LIMCH1: variants seen among roughly 807,000 people sequenced by gnomAD.
The protein encoded by LIMCH1 is LIM and calponin homology domains 1.
LIMCH1 carries 113 observed loss-of-function variants against 176.5 expected under a neutral mutation model. That is an observed-to-expected ratio of 0.64 (90% CI 0.55 to 0.75). LIMCH1 has a LOEUF of 0.75. Ranked by LOEUF, LIMCH1 falls within the 30% of genes least tolerant of loss-of-function variation. The pLI, the probability that LIMCH1 is intolerant of heterozygous loss-of-function variation, is 0.00. For missense variants in LIMCH1, 1,674 were observed against 1,814.9 expected (o/e 0.92, Z 1.41); for synonymous variants, 619 against 645.9 (o/e 0.96, Z 0.63).
At chr4:41,540,080 G>A (rs2078424577) in intron 1 of LIMCH1, among the ~76,000 whole-genome samples, 1 of 152,206 alleles carries the variant, frequency 6.6e-6, no homozygotes, top group African/African-American at 2.4e-5. Flanking sequence ...TCAAATCCTG[G>A]ATTTGCAGCT....
chr4:41,465,007 C>G (rs1004179281), intron 1 of LIMCH1, among the ~76,000 whole-genome samples: 6 of 152,172 alleles, frequency 3.9e-5, no homozygotes, highest in African/African-American at 1.4e-4. Context: ...ATCTCTTTGT[C>G]TTTCCTGCCT....
At chr4:41,370,676 G>A (rs2053825993) in intron 1 of LIMCH1, among the ~76,000 whole-genome samples, 1 of 152,162 alleles carries the variant, frequency 6.6e-6, no homozygotes, top group South Asian at 2.1e-4. Context: ...TTGACAGAGT[G>A]TGATAATAGT....
chr4:41,424,896 C>T (rs1382247473), intron 1 of LIMCH1, among the ~76,000 whole-genome samples: 4 of 152,174 alleles, frequency 2.6e-5, no homozygotes, highest in African/African-American at 9.7e-5. Context: ...TTAGGCTCTG[C>T]AGCAAAGAGA....
In LIMCH1 at chr4:41,661,443, G is replaced by A. The variant is rs61739931; in HGVS notation, c.3060G>A (p.Pro1020=). 25 of 1,612,528 alleles carry A rather than the reference G, an allele frequency of 1.6e-5. No individual in the cohort carries two copies. The highest frequency in any genetic ancestry group is 2.2e-5 in the East Asian group (1 of 44,852). ...AGGCAACCACTGAGAAAACGGAACC[G>A]AATAGTCAAGAGGACAAGAATGATG... ...ELAATTEKTE[P]NSQEDKNDGG... The change falls in exon 19 of 32, where the codon CCG becomes CCA. Residue 1020 remains proline, a synonymous_variant. Coordinates refer to ENST00000503057, the MANE Select transcript of LIMCH1 (RefSeq NM_001330672.2).
At chr4:41,666,325 G>A (rs2094824649) in intron 20 of LIMCH1, among the ~76,000 whole-genome samples, 1 of 152,100 alleles carries the variant, frequency 6.6e-6, no homozygotes, top group South Asian at 2.1e-4. Flanking sequence ...GGAGAAAAGT[G>A]GTCATTACGT....
At chr4:41,657,985 G>A (rs913028838) in intron 18 of LIMCH1, among the ~76,000 whole-genome samples, 2 of 152,154 alleles carry the variant, frequency 1.3e-5, no homozygotes, top group Non-Finnish European at 2.9e-5. Context: ...AGACTCTTAG[G>A]TGATAGATTG....
Position 41,629,433 on chromosome 4 carries a change from G to C in LIMCH1, c.1029-59G>C, listed in dbSNP as rs1031555527. 59 of 1,518,988 alleles carry C rather than the reference G, an allele frequency of 3.9e-5. 2 individuals are homozygous for C. In the Admixed American group the frequency reaches 1.1e-3, roughly 28 times the overall value. 94.1% of individuals were successfully genotyped at this position (1,518,988 alleles called of 1,614,324 possible). ...TCCATGCTTGACATTCTCTTTGTCT[G>C]CTCCCCTTCCTTGAACTTGATTTTT... On this transcript the variant is annotated intron_variant, in intron 8 of 31. Coordinates refer to ENST00000503057, the MANE Select transcript of LIMCH1 (RefSeq NM_001330672.2).
intron 1 of LIMCH1, among the ~76,000 whole-genome samples, chr4:41,417,124 A>G (rs533707953): frequency 1.1e-5 from 1 of 93,808 alleles, no homozygotes; most frequent in Non-Finnish European, 2.1e-5. Flanking sequence ...TGCTATAGGC[A>G]TTGTTTCTTT....
chr4:41,527,869 C>T (rs957025789), intron 3 of LIMCH1, among the ~76,000 whole-genome samples: 8 of 146,800 alleles, frequency 5.4e-5, no homozygotes, highest in Non-Finnish European at 9.0e-5. Context: ...CCCCAAAAGG[C>T]TGGAAAACTG....
chr4:41,390,562 G>C (rs2057117227), intron 1 of LIMCH1, among the ~76,000 whole-genome samples: 1 of 152,150 alleles, frequency 6.6e-6, no homozygotes, highest in South Asian at 2.1e-4. Context: ...AGTTAGATTT[G>C]AATTTCAAAA....
At chr4:41,620,177 C>T in intron 6 of LIMCH1, 1 of 437,018 alleles carries the variant, frequency 2.3e-6, no homozygotes, top group Non-Finnish European at 4.0e-6. Context: ...TGAAATTTAC[C>T]TTTCCAGCAG....
In LIMCH1 at chr4:41,699,233, G is replaced by A. The variant is rs2153108100; in HGVS notation, c.*2048G>A. On this transcript the variant is annotated 3_prime_UTR_variant, in exon 32 of 32. Transcript: ENST00000503057. ...TCCATCCGTTATGTAAGGATTACATGAATATTGCACATTCCCTTCTGGTTT... is the reference window on the plus strand; with the variant it reads ...TCCATCCGTTATGTAAGGATTACATAAATATTGCACATTCCCTTCTGGTTT... 6.6e-6 allele frequency: 1 copy of A among 152,214 alleles called. No homozygotes were observed. The highest frequency in any genetic ancestry group is 2.4e-5 in the African/African-American group (1 of 41,544). The allele number at this position is 152,214 out of a possible 1,614,324, so 9.4% of individuals were successfully genotyped here.
intron 1 of LIMCH1, among the ~76,000 whole-genome samples, chr4:41,414,859 A>G (rs2059791267): frequency 6.6e-6 from 1 of 152,212 alleles, no homozygotes; most frequent in Non-Finnish European, 1.5e-5. Flanking sequence ...ATATCTTGAA[A>G]AGAAAATGTT....
At chr4:41,462,791 T>C (rs1398214133) in intron 1 of LIMCH1, among the ~76,000 whole-genome samples, 1 of 152,210 alleles carries the variant, frequency 6.6e-6, no homozygotes, top group East Asian at 1.9e-4. Context: ...AAAGTCTGTT[T>C]GGCTTTTTTT....
chr4:41,396,290 A>G (rs1472126310), intron 1 of LIMCH1, among the ~76,000 whole-genome samples: 1 of 152,224 alleles, frequency 6.6e-6, no homozygotes, highest in Non-Finnish European at 1.5e-5. Flanking sequence ...TTCAAAAATA[A>G]ACAGATATAA....
chr4:41,595,710 A>G (rs2088625136), intron 1 of LIMCH1, among the ~76,000 whole-genome samples: 2 of 152,182 alleles, frequency 1.3e-5, no homozygotes, highest in Non-Finnish European at 2.9e-5. Flanking sequence ...GCCTTCACCA[A>G]TCTTTAACCT....
chr4:41,621,172 A>T (rs2092550086), intron 7 of LIMCH1, among the ~76,000 whole-genome samples: 1 of 152,190 alleles, frequency 6.6e-6, no homozygotes, highest in Non-Finnish European at 1.5e-5. Flanking sequence ...AGTACTAAGT[A>T]GAATTGGGTT....
At chr4:41,523,616 C>G (rs2076333431) in intron 2 of LIMCH1, among the ~76,000 whole-genome samples, 1 of 152,190 alleles carries the variant, frequency 6.6e-6, no homozygotes, top group Non-Finnish European at 1.5e-5. Flanking sequence ...ACCTACTTTG[C>G]AAATACTACA....
chr4:41,697,189 G>T lies in LIMCH1; in HGVS notation c.*4G>T, dbSNP rs199843076. 1 of 1,613,228 alleles carries T rather than the reference G, an allele frequency of 6.2e-7. No individual in the cohort carries two copies. Among genetic ancestry groups the T allele is most frequent in the South Asian group, 1.1e-5 (1 of 90,998 alleles). On this transcript the variant is annotated 3_prime_UTR_variant, in exon 32 of 32. Coordinates refer to ENST00000503057, the MANE Select transcript of LIMCH1 (RefSeq NM_001330672.2). ...CGGGCAGCCTACAACATTGTGACACGGCTTTCAAGCTTCCGGATCACTCAC... is the reference window on the plus strand; with the variant it reads ...CGGGCAGCCTACAACATTGTGACACTGCTTTCAAGCTTCCGGATCACTCAC...
Sources: allele counts gnomAD v4.1 joint callset (sites outside exome capture counted in the v4.1 genomes callset), GRCh38; gene constraint gnomAD v4.1.1; transcripts MANE v1.5; gene names NCBI Gene and HGNC (gene_info 2026-07-23, HGNC 2026-07-21).